Variants in CCDC171 observed in about 807,000 individuals in gnomAD.
CCDC171 encodes coiled-coil domain-containing protein 171.
In CCDC171, 177 loss-of-function variants were observed where a neutral mutation model predicts 168.2. The observed-to-expected ratio is 1.05, with a 90% confidence interval of 0.93 to 1.19. The LOEUF is 1.19. Ranked by LOEUF, CCDC171 falls within the 50% of genes most tolerant of loss-of-function variation. The pLI is 0.00. For missense variants in CCDC171, 1,991 were observed against 1,539.0 expected, an observed-to-expected ratio of 1.29 and a Z score of -4.91; for synonymous variants, 687 against 540.8, an observed-to-expected ratio of 1.27 and a Z score of -3.75.
the CCDC171 span, among the ~76,000 whole-genome samples, chr9:16,102,904 T>G: frequency 6.6e-6 from 1 of 152,156 alleles, no homozygotes; most frequent in Non-Finnish European, 1.5e-5. Flanking sequence ...ATCACTTCCC[T>G]CCCCAGTCCA....
chr9:15,613,210 C>T (rs2043828114), intron 6 of CCDC171, among the ~76,000 whole-genome samples: 1 of 152,130 alleles, frequency 6.6e-6, no homozygotes, highest in Non-Finnish European at 1.5e-5. Context: ...TTTGCCATCA[C>T]CTGTCATCAT....
the CCDC171 span, among the ~76,000 whole-genome samples, chr9:16,084,682 G>A: frequency 6.6e-6 from 1 of 152,126 alleles, no homozygotes; most frequent in African/African-American, 2.4e-5. Flanking sequence ...CTGCCATGGG[G>A]GCCCCCAGGA....
At chr9:15,774,418 C>T (rs2057192232) in intron 18 of CCDC171, among the ~76,000 whole-genome samples, 2 of 151,824 alleles carry the variant, frequency 1.3e-5, no homozygotes, top group Admixed American at 6.6e-5. Flanking sequence ...CTGCCTCACT[C>T]CTGCAAGAAT....
chr9:15,666,375 G>C (rs965387678), intron 9 of CCDC171, 52 bp downstream of exon 9: 10 of 1,318,592 alleles, frequency 7.6e-6, no homozygotes, highest in Non-Finnish European at 1.1e-5. Flanking sequence ...TTTTAAAAGA[G>C]CTATATAAAA....
intron 16 of CCDC171, among the ~76,000 whole-genome samples, chr9:15,741,636 TACTG>T (rs1357179934): frequency 6.6e-6 from 1 of 151,960 alleles, no homozygotes; most frequent in African/African-American, 2.4e-5. Context: ...ATTTTAACCT[TACTG>T]ACTTTTTTTT....
At chr9:16,028,864 A>G (rs1460951991) in intron 6 of CCDC171, among the ~76,000 whole-genome samples, 1 of 152,068 alleles carries the variant, frequency 6.6e-6, no homozygotes, top group Admixed American at 6.6e-5. Context: ...CTAGTATTGC[A>G]CTGCAGTCTA....
intron 25 of CCDC171, among the ~76,000 whole-genome samples, chr9:15,963,776 G>A (rs947623054): frequency 1.3e-5 from 2 of 152,076 alleles, no homozygotes; most frequent in Admixed American, 1.3e-4. Context: ...TGGTTTCCTG[G>A]CATCTGTTTT....
chr9:15,905,706 A>G (rs923021957), intron 24 of CCDC171, among the ~76,000 whole-genome samples: 2 of 152,140 alleles, frequency 1.3e-5, no homozygotes, highest in African/African-American at 4.8e-5. Flanking sequence ...GACACAAAAA[A>G]CCCTTCAAAA....
At chr9:16,012,564 C>T (rs10962252) in intron 3 of CCDC171, among the ~76,000 whole-genome samples, 49,334 of 149,820 alleles carry the variant, frequency 0.33, 8,334 homozygotes, top group Non-Finnish European at 0.36. Context: ...TACTATAACC[C>T]GGATAATTTT....
chr9:16,092,544 A>G, the CCDC171 span, among the ~76,000 whole-genome samples: 2 of 152,206 alleles, frequency 1.3e-5, no homozygotes, highest in South Asian at 4.1e-4. Context: ...ACATTTGCTA[A>G]CAGAGGTTCT....
chr9:15,562,105 C>G (rs925146161), intron 1 of CCDC171, among the ~76,000 whole-genome samples: 11 of 152,092 alleles, frequency 7.2e-5, no homozygotes, highest in Admixed American at 6.5e-4. Context: ...AGCGATTCTC[C>G]TATCTCAACC....
intron 7 of CCDC171, among the ~76,000 whole-genome samples, chr9:15,642,409 G>C (rs760417987): frequency 1.6e-5 from 2 of 126,870 alleles, no homozygotes; most frequent in African/African-American, 6.5e-5. Flanking sequence ...ATTTTGTTCC[G>C]CTTTCTGCCC....
intron 21 of CCDC171, among the ~76,000 whole-genome samples, chr9:15,785,147 T>C (rs982593812): frequency 6.6e-6 from 1 of 152,014 alleles, no homozygotes; most frequent in Non-Finnish European, 1.5e-5. Context: ...TTAGAAAGAG[T>C]TGTTCTCTCT....
chr9:15,576,133 TTGTGTGTGTGTGTG>T (rs202239015), intron 3 of CCDC171, among the ~76,000 whole-genome samples: 1 of 145,422 alleles, frequency 6.9e-6, no homozygotes, highest in African/African-American at 2.6e-5. Flanking sequence ...CATATTTCAG[TTGTGTGTGTGTGTG>T]TGTGTGTGTG....
chr9:15,560,594 T>G (rs573204813), intron 1 of CCDC171, among the ~76,000 whole-genome samples: 1 of 152,158 alleles, frequency 6.6e-6, no homozygotes, highest in Non-Finnish European at 1.5e-5. Context: ...ATTCAGGGAT[T>G]TCTCTACACT....
intron 1 of CCDC171, among the ~76,000 whole-genome samples, chr9:16,060,303 G>T (rs939254871): frequency 2.6e-5 from 4 of 152,196 alleles, no homozygotes; most frequent in Non-Finnish European, 5.9e-5. Context: ...GAGTGGAGGT[G>T]AGGAAAAACG....
chr9:15,819,263 G>A (rs1243659216), intron 21 of CCDC171, among the ~76,000 whole-genome samples: 2 of 117,494 alleles, frequency 1.7e-5, no homozygotes, highest in Admixed American at 8.0e-5. Flanking sequence ...AGACCATCGA[G>A]GCTAGGAAGA....
At chr9:15,937,339 T>G (rs1383425349) in intron 25 of CCDC171, among the ~76,000 whole-genome samples, 1 of 151,996 alleles carries the variant, frequency 6.6e-6, no homozygotes, top group East Asian at 1.9e-4. Context: ...ATTAAACAGT[T>G]TTTAATATTT....
chr9:16,046,087 A>G (rs148206051), intron 1 of CCDC171, among the ~76,000 whole-genome samples: 13 of 152,316 alleles, frequency 8.5e-5, no homozygotes, highest in African/African-American at 3.1e-4. Context: ...ACAGTTATTG[A>G]GGGCAAAGTC....
Sources: gnomAD v4.1 joint callset for allele counts (sites outside exome capture counted in the v4.1 genomes callset) on GRCh38, gnomAD v4.1.1 for gene constraint, MANE v1.5 for transcripts, NCBI Gene and HGNC (gene_info 2026-07-23, HGNC 2026-07-21) for gene names.